C11orf65: variants seen among roughly 807,000 people sequenced by gnomAD.
C11orf65 encodes chromosome 11 open reading frame 65, also known as protein MFI.
A neutral mutation model predicts 35.3 loss-of-function variants in C11orf65; 38 were observed. That is an observed-to-expected ratio of 1.08 (90% CI 0.83 to 1.41). The LOEUF (loss-of-function observed/expected upper bound fraction) is 1.41. Ranked by LOEUF, C11orf65 falls within the 40% of genes most tolerant of loss-of-function variation. C11orf65 has a pLI of 0.00. For missense variants in C11orf65, 370 were observed against 367.1 expected (o/e 1.01, Z -0.06); for synonymous variants, 105 against 114.4 (o/e 0.92, Z 0.53).
intron 2 of C11orf65, among the ~76,000 whole-genome samples, chr11:108,457,921 T>C (rs1293507445): frequency 6.6e-6 from 1 of 152,166 alleles, no homozygotes; most frequent in Non-Finnish European, 1.5e-5. Flanking sequence ...AGATGCTGTG[T>C]CTAGAATCAA....
intron 2 of C11orf65, chr11:108,354,936 C>A: frequency 7.5e-7 from 1 of 1,338,086 alleles, no homozygotes; most frequent in Non-Finnish European, 1.1e-6. Flanking sequence ...TGTATCTCAT[C>A]AGGAAGTCAC....
chr11:108,376,966 T>G (rs370704382), intron 2 of C11orf65, among the ~76,000 whole-genome samples: 3 of 151,458 alleles, frequency 2.0e-5, no homozygotes, highest in African/African-American at 7.3e-5. Flanking sequence ...AATAACAGGA[T>G]CTGAAATTGT....
In C11orf65 at chr11:108,362,152, A is replaced by G. The variant is rs1193736154; in HGVS notation, c.227-26860T>C. Reference sequence around the variant, plus strand: ...AAGTGGGTGAAGGACATGAACAGACACTTCTCAAAAGAAGACATTTATGCA... The same window carrying G: ...AAGTGGGTGAAGGACATGAACAGACGCTTCTCAAAAGAAGACATTTATGCA... On this transcript the variant is annotated intron_variant, in intron 2 of 3. Coordinates refer to the C11orf65 transcript ENST00000524755. Among the ~76,000 whole-genome samples the G allele has an allele frequency of 7.0e-5, 10 of 143,294 alleles. 1 individual carries two copies. Among genetic ancestry groups the G allele is most frequent in the African/African-American group, 2.4e-4 (9 of 38,172 alleles). 94.0% of individuals were successfully genotyped at this position (143,294 alleles called of 152,430 possible).
At chr11:108,398,034 A>C (rs1020235138) in intron 6 of C11orf65, among the ~76,000 whole-genome samples, 2 of 152,218 alleles carry the variant, frequency 1.3e-5, no homozygotes, top group Non-Finnish European at 2.9e-5. Flanking sequence ...ATTTGGGCCA[A>C]GTATCAAAAG....
intron 2 of C11orf65, among the ~76,000 whole-genome samples, chr11:108,456,033 T>C (rs2093408444): frequency 6.6e-6 from 1 of 151,726 alleles, no homozygotes; most frequent in African/African-American, 2.4e-5. Context: ...CCCATGCCTG[T>C]AGTCCCAGCT....
In C11orf65 at chr11:108,321,335, C is replaced by G. The variant is rs1591107130; in HGVS notation, c.641-12264G>C. ...AGTGGAAGAGATGTGTAAGCGCAGC[C>G]TTGAGTCTGTGTATTCGCTCTATCC... is the stretch of plus-strand genomic sequence containing the variant. On this transcript the variant is annotated intron_variant, in intron 6 of 6. Transcript: ENST00000525729. 6.2e-7 allele frequency: 1 copy of G among 1,614,150 alleles called. No homozygotes were observed. The highest frequency in any genetic ancestry group is 8.5e-7 in the Non-Finnish European group (1 of 1,180,020).
chr11:108,337,751 T>C (rs1338900301), intron 2 of C11orf65, among the ~76,000 whole-genome samples: 3 of 152,246 alleles, frequency 2.0e-5, no homozygotes, highest in African/African-American at 7.2e-5. Context: ...TATTCTGTAA[T>C]GTGAATGAAA....
At chr11:108,334,874 C>G (rs1336380283) in intron 3 of C11orf65, 14 of 1,407,610 alleles carry the variant, frequency 9.9e-6, no homozygotes, top group African/African-American at 1.4e-5. Context: ...ATTTGTTTCT[C>G]TGTTTAATAT....
At chr11:108,377,633 C>A (rs908611853) in intron 2 of C11orf65, among the ~76,000 whole-genome samples, 10 of 150,968 alleles carry the variant, frequency 6.6e-5, no homozygotes, top group Non-Finnish European at 1.3e-4. Context: ...CTGGCCAGGG[C>A]AATCAGGCAG....
chr11:108,389,364 T>C (rs1295027025), intron 7 of C11orf65, among the ~76,000 whole-genome samples: 1 of 152,206 alleles, frequency 6.6e-6, no homozygotes, highest in Non-Finnish European at 1.5e-5. Flanking sequence ...ACTGAGATAA[T>C]CAGTGCTTGT....
rs562538287 is a variant in C11orf65 at position 108,444,132 on chromosome 11, G to C, written c.82-12294C>G. 9.9e-5 allele frequency among the ~76,000 whole-genome samples: 15 copies of C among 152,156 alleles called. No individual in the cohort carries two copies. The South Asian group carries it at 3.1e-3, about 32-fold the overall frequency. ...AATAGACGCAATAAAAAATGATAAAGGGGATATCACCACCGATCCCACAGA... is the reference window on the plus strand; with the variant it reads ...AATAGACGCAATAAAAAATGATAAACGGGATATCACCACCGATCCCACAGA... On this transcript the variant is annotated intron_variant, in intron 2 of 8. Transcript: ENST00000393084.
chr11:108,464,550 TG>T (rs1350758049), intron 1 of C11orf65, among the ~76,000 whole-genome samples: 1 of 152,070 alleles, frequency 6.6e-6, no homozygotes, highest in African/African-American at 2.4e-5. Flanking sequence ...TAAGTAGAGA[TG>T]GGGTTTCACC....
downstream of C11orf65, chr11:108,328,916 A>T: frequency 8.3e-7 from 1 of 1,205,808 alleles, no homozygotes; most frequent in African/African-American, 1.5e-5. Flanking sequence ...GCTAGCTTTT[A>T]TATGTATATA....
upstream of C11orf65, among the ~76,000 whole-genome samples, chr11:108,469,267 G>C (rs2093563394): frequency 6.6e-6 from 1 of 150,514 alleles, no homozygotes; most frequent in South Asian, 2.1e-4. Context: ...ATGTACTTAA[G>C]TCCACTGAAT....
chr11:108,354,628 T>C (rs1025753950), intron 2 of C11orf65, among the ~76,000 whole-genome samples: 4 of 152,228 alleles, frequency 2.6e-5, no homozygotes, highest in South Asian at 4.1e-4. Context: ...CAAATACATA[T>C]TTGTATTCAT....
At chr11:108,422,764 C>A (rs911062024) in intron 3 of C11orf65, among the ~76,000 whole-genome samples, 3 of 151,892 alleles carry the variant, frequency 2.0e-5, no homozygotes, top group Non-Finnish European at 4.4e-5. Flanking sequence ...CACCTGTAGT[C>A]CCAGCTACTC....
At chr11:108,325,291 T>A (rs2136305405) in intron 6 of C11orf65, 10 of 1,023,072 alleles carry the variant, frequency 9.8e-6, no homozygotes, top group Non-Finnish European at 1.5e-5. Context: ...TTACATGAAC[T>A]CTATGTCGTG....
At chr11:108,437,722 A>T (rs1364048542) in intron 2 of C11orf65, among the ~76,000 whole-genome samples, 3 of 130,692 alleles carry the variant, frequency 2.3e-5, no homozygotes, top group African/African-American at 7.6e-5. Context: ...AAAAAAAAAA[A>T]AAAAAAAAAA....
rs587781861 is a variant in C11orf65 at position 108,321,419 on chromosome 11, A to G, written c.641-12348T>C. On this transcript the variant is annotated intron_variant, in intron 6 of 6. Transcript: ENST00000525729. ...GGAAAGCATTGGGGAGCTTTTCTCA[A>G]GGTATGTAATTCGTATGACTTTGTT... The G allele has an allele frequency of 1.2e-6, 2 of 1,614,102 alleles. No homozygotes were observed. The highest frequency in any genetic ancestry group is 1.7e-6 in the Non-Finnish European group (2 of 1,179,982).
Sources: gnomAD v4.1 joint callset for allele counts (sites outside exome capture counted in the v4.1 genomes callset) on GRCh38, gnomAD v4.1.1 for gene constraint, MANE v1.5 for transcripts, NCBI Gene and HGNC (gene_info 2026-07-23, HGNC 2026-07-21) for gene names.